The following IGF2R variants were observed in gnomAD, a reference collection of about 807,000 sequenced individuals.
The protein encoded by IGF2R is insulin like growth factor 2 receptor.
Under a neutral mutation model 270.6 loss-of-function variants are expected in IGF2R, and 91 were observed. The observed-to-expected ratio is 0.34, with a 90% CI of 0.28 to 0.40. The LOEUF is 0.40. IGF2R is among the 10% of genes least tolerant of loss of function. The pLI is 1.00. For synonymous variants in IGF2R, 1,316 were observed against 1,258.9 expected, an observed-to-expected ratio of 1.05 and a Z score of -0.96; for missense variants, 2,805 against 3,188.3, an observed-to-expected ratio of 0.88 and a Z score of 2.90.
intron 9 of IGF2R, among the ~76,000 whole-genome samples, chr6:160,034,123 A>G (rs1454333427): frequency 6.6e-6 from 1 of 152,182 alleles, no homozygotes; most frequent in Non-Finnish European, 1.5e-5. Context: ...CTTGGGCGTT[A>G]TTTATTTTGT....
rs1343767121 is a variant in IGF2R, at chr6:160,096,590, C to A, written c.6807C>A (p.Leu2269=). The A allele has an allele frequency of 6.2e-7, 1 of 1,614,136 alleles. No homozygotes were observed. Among genetic ancestry groups the A allele is most frequent in the Non-Finnish European group, 8.5e-7 (1 of 1,180,006 alleles). Residue 2269 remains leucine, a synonymous_variant, in exon 45 of 48, where the codon CTC becomes CTA. Coordinates refer to ENST00000356956, the MANE Select transcript of IGF2R (RefSeq NM_000876.4). The part of the protein sequence containing the change: ...FSHETADCQY[L]FSWYTSAVCP... Reference sequence around the variant, plus strand: ...ACGAGACTGCCGACTGCCAGTACCTCTTCTCTTGGTACACCTCAGCCGTGT... The same window carrying A: ...ACGAGACTGCCGACTGCCAGTACCTATTCTCTTGGTACACCTCAGCCGTGT...
chr6:159,977,035 A>G (rs1783706106), intron 1 of IGF2R, among the ~76,000 whole-genome samples: 1 of 152,160 alleles, frequency 6.6e-6, no homozygotes, highest in Non-Finnish European at 1.5e-5. Context: ...GCTGTCGCCC[A>G]GCTTACCAGT....
In IGF2R at chr6:160,024,708, T is replaced by A; in HGVS notation, c.646+4T>A. On this transcript the variant is annotated splice_donor_region_variant and intron_variant, in intron 5 of 47. Transcript: ENST00000356956. ...ATCAATGTTTGTAGAGACATAGGTA[T>A]GAATCTTTGTGGGGCTGAGGGGGTG... The A allele has an allele frequency of 6.2e-7, 1 of 1,614,008 alleles. No individual in the cohort carries two copies. The highest frequency in any genetic ancestry group is 8.5e-7 in the Non-Finnish European group (1 of 1,179,884).
chr6:160,025,425 CTTCT>C (rs1777538721), intron 5 of IGF2R, among the ~76,000 whole-genome samples: 1 of 152,128 alleles, frequency 6.6e-6, no homozygotes, highest in Non-Finnish European at 1.5e-5. Context: ...TTTTAGTGTT[CTTCT>C]TTGTTTTTTA....
intron 47 of IGF2R, 85 bp downstream of exon 47, chr6:160,103,900 C>A: frequency 1.1e-6 from 1 of 904,010 alleles, no homozygotes; most frequent in Non-Finnish European, 1.8e-6. Flanking sequence ...TCAGGGGTGC[C>A]AAGGAAAGCA....
Position 160,088,021 on chromosome 6 carries a change from T to A in IGF2R, c.6206-12T>A. The A allele has an allele frequency of 6.6e-7, 1 of 1,522,110 alleles. No homozygotes were observed. Among genetic ancestry groups the A allele is most frequent in the South Asian group, 1.1e-5 (1 of 89,170 alleles). The allele number at this position is 1,522,110 out of a possible 1,614,324, so 94.3% of individuals were successfully genotyped here. On this transcript the variant is annotated splice_polypyrimidine_tract_variant and intron_variant, in intron 41 of 47. Coordinates refer to ENST00000356956, the MANE Select transcript of IGF2R (RefSeq NM_000876.4). ...TAGAAATAATGTCAGTTCAATCATT[T>A]GTGTGTTTCAGGTGACAAAGTTGTT... is the stretch of plus-strand genomic sequence containing the variant.
chr6:160,056,067 G>T (rs1311553362), intron 19 of IGF2R, among the ~76,000 whole-genome samples: 2 of 152,186 alleles, frequency 1.3e-5, no homozygotes, highest in Non-Finnish European at 2.9e-5. Context: ...GCTGATGTCA[G>T]TGAATCCTAC....
intron 45 of IGF2R, among the ~76,000 whole-genome samples, chr6:160,100,197 A>T (rs1261682795): frequency 1.3e-5 from 2 of 152,196 alleles, no homozygotes; most frequent in African/African-American, 4.8e-5. Flanking sequence ...CTTGTCAGCT[A>T]AAAAACAAGT....
intron 9 of IGF2R, among the ~76,000 whole-genome samples, chr6:160,034,001 T>C (rs1777756789): frequency 6.6e-6 from 1 of 152,240 alleles, no homozygotes; most frequent in Admixed American, 6.5e-5. Flanking sequence ...GCCGAGAAGC[T>C]GCATTTTAAA....
chr6:160,065,839 TATATATGTA>T (rs1562364501), intron 29 of IGF2R, among the ~76,000 whole-genome samples: 1 of 138,428 alleles, frequency 7.2e-6, no homozygotes, highest in South Asian at 2.3e-4. Context: ...TATATATATA[TATATATGTA>T]TTTTTTTTGA....
In IGF2R at chr6:160,069,985, A is replaced by G. The variant is rs1033601474; in HGVS notation, c.4370A>G (p.Asp1457Gly). The G allele has an allele frequency of 5.6e-6, 9 of 1,614,100 alleles. No homozygotes were observed. Among genetic ancestry groups the G allele is most frequent in the Non-Finnish European group, 7.6e-6 (9 of 1,180,038 alleles). Residue 1457 changes from aspartate to glycine, a missense_variant, in exon 31 of 48, where the codon GAT (aspartate) becomes GGT (glycine). Asp to Gly is a moderately conservative substitution (Grantham distance 94). This residue lies in a region of IGF2R where 1,851 missense variants were observed against 2,207.2 expected (regional missense o/e 0.84). Transcript: ENST00000356956. ...GGCATAATTGTCCTGAAATACGTTG[A>G]TGGCGACTTATGTCCAGATGGGATT... ...RDGIIVLKYV[D>G]GDLCPDGIRK...
At chr6:159,996,861 C>T (rs776902945) in intron 2 of IGF2R, among the ~76,000 whole-genome samples, 15 of 152,064 alleles carry the variant, frequency 9.9e-5, no homozygotes, top group East Asian at 1.9e-4. Context: ...CCCCACCTTT[C>T]GTGCAAGTCC....
Position 160,050,685 on chromosome 6 carries a change from T to C in IGF2R, c.2694+33T>C. On this transcript the variant is annotated intron_variant, in intron 19 of 47. Coordinates refer to ENST00000356956, the MANE Select transcript of IGF2R (RefSeq NM_000876.4). The surrounding 1 kb of genome is among the most constrained non-coding windows in gnomAD (Gnocchi z 4.0). ...ACTGCTGCTGGCTGGTGACCTTCAC[T>C]GCTGCATTTTTTGACTGAGCGTTGC... 1 of 1,565,872 alleles carries C rather than the reference T, an allele frequency of 6.4e-7. No homozygotes were observed.
At chr6:160,011,499 T>C (rs889923993) in intron 4 of IGF2R, among the ~76,000 whole-genome samples, 1 of 152,034 alleles carries the variant, frequency 6.6e-6, no homozygotes, top group Non-Finnish European at 1.5e-5. Flanking sequence ...TATGTATACA[T>C]TGAGGAATGG....
intron 16 of IGF2R, 137 bp from the exon 17 acceptor site, chr6:160,047,655 T>G (rs1340795387): frequency 3.0e-6 from 2 of 660,226 alleles, no homozygotes; most frequent in African/African-American, 3.6e-5. Flanking sequence ...TTTAATAAAA[T>G]GAAGGGAGAT....
rs754083608 is a variant in IGF2R at position 160,104,838 on chromosome 6, G to A, written c.7230G>A (p.Glu2410=). 5 of 1,614,224 alleles carry A rather than the reference G, an allele frequency of 3.1e-6. No individual in the cohort carries two copies. In the South Asian group the frequency reaches 3.3e-5, roughly 11 times the overall value. The change falls in exon 48 of 48, where the codon GAG becomes GAA. Residue 2410 remains glutamate (E), a synonymous_variant. Transcript: ENST00000356956. ...TGCATGGGGATGACCAGGACAGTGA[G>A]GATGAGGTTCTGACCATCCCAGAGG... ...SSLHGDDQDS[E]DEVLTIPEVK...
intron 47 of IGF2R, among the ~76,000 whole-genome samples, chr6:160,104,345 C>CA (rs1562381170): frequency 2.8e-4 from 42 of 152,110 alleles, no homozygotes; most frequent in East Asian, 1.4e-3. Context: ...CCCCCAGCTG[C>CA]GCTGGGGGAT....
At chr6:160,022,009 A>G (rs1307569159) in intron 4 of IGF2R, among the ~76,000 whole-genome samples, 1 of 99,942 alleles carries the variant, frequency 1.0e-5, no homozygotes, top group Non-Finnish European at 2.1e-5. Flanking sequence ...ATGACTAGGT[A>G]AAGAACACAC....
intron 31 of IGF2R, among the ~76,000 whole-genome samples, chr6:160,070,361 T>C (rs1157164445): frequency 6.6e-6 from 1 of 152,142 alleles, no homozygotes; most frequent in Non-Finnish European, 1.5e-5. Flanking sequence ...TGCCCTTTTG[T>C]CTTCACGGCG....
Sources: gnomAD v4.1 joint callset for allele counts (sites outside exome capture counted in the v4.1 genomes callset) on GRCh38, gnomAD v4.1.1 for gene constraint, gnomAD v4.1.1 regional missense constraint, Gnocchi (gnomAD v3.1) non-coding constraint, MANE v1.5 for transcripts, NCBI Gene and HGNC (gene_info 2026-07-23, HGNC 2026-07-21) for gene names.